RNF214: variants seen among roughly 807,000 people sequenced by gnomAD.
RNF214 encodes ring finger protein 214.
A neutral mutation model predicts 75.9 loss-of-function variants in RNF214; 25 were observed. The ratio of observed to expected loss-of-function variants is 0.33; its 90% CI spans 0.24 to 0.46. The LOEUF (loss-of-function observed/expected upper bound fraction) is 0.46. Ranked by LOEUF, RNF214 falls within the 20% of genes least tolerant of loss-of-function variation. The pLI, the probability that RNF214 is intolerant of heterozygous loss-of-function variation, is 1.00. For synonymous variants in RNF214, 314 were observed against 308.8 expected (o/e 1.02, Z -0.18); for missense variants, 725 against 857.5 (o/e 0.85, Z 1.93).
At chr11:117,263,149 A>G (rs920216521) in intron 6 of RNF214, among the ~76,000 whole-genome samples, 1 of 149,204 alleles carries the variant, frequency 6.7e-6, no homozygotes, top group Non-Finnish European at 1.5e-5. Flanking sequence ...TTTGTTTCTT[A>G]TATTTTGAAA....
intron 6 of RNF214, among the ~76,000 whole-genome samples, chr11:117,266,358 C>G (rs2033796627): frequency 6.6e-6 from 1 of 151,946 alleles, no homozygotes; most frequent in Non-Finnish European, 1.5e-5. Flanking sequence ...AATTTTCTTT[C>G]TTTCTTTTTT....
chr11:117,237,858 C>T (rs535815093), intron 2 of RNF214, among the ~76,000 whole-genome samples: 1 of 151,842 alleles, frequency 6.6e-6, no homozygotes, highest in Non-Finnish European at 1.5e-5. Context: ...GTTGAAGAAC[C>T]TAAAAAGTGG....
At chr11:117,233,436 G>T (rs921859313) in intron 1 of RNF214, among the ~76,000 whole-genome samples, 3 of 152,172 alleles carry the variant, frequency 2.0e-5, no homozygotes, top group African/African-American at 7.2e-5. Context: ...GGGGGAATAC[G>T]TGTGATGCTG....
At chr11:117,252,115 C>T (rs58111676) in intron 6 of RNF214, among the ~76,000 whole-genome samples, 8 of 152,154 alleles carry the variant, frequency 5.3e-5, no homozygotes, top group Non-Finnish European at 5.9e-5. Context: ...GTGATGTGCC[C>T]GCCTTGGCCT....
At chr11:117,253,774 A>T (rs1232993459) in intron 6 of RNF214, among the ~76,000 whole-genome samples, 1 of 152,246 alleles carries the variant, frequency 6.6e-6, no homozygotes, top group East Asian at 1.9e-4. Context: ...CCTGTGTTTT[A>T]AAAGACATAA....
chr11:117,252,673 A>T (rs2033427654), intron 6 of RNF214, among the ~76,000 whole-genome samples: 1 of 152,006 alleles, frequency 6.6e-6, no homozygotes, highest in Non-Finnish European at 1.5e-5. Flanking sequence ...TGTGCCTGCC[A>T]CCACGCCCAG....
intron 6 of RNF214, among the ~76,000 whole-genome samples, chr11:117,262,460 G>A (rs555982547): frequency 6.5e-4 from 99 of 152,122 alleles, no homozygotes; most frequent in African/African-American, 2.3e-3. Flanking sequence ...GCTCACTGGA[G>A]CCTCAAACTC....
At chr11:117,247,671 T>G (rs1258158538) in intron 6 of RNF214, among the ~76,000 whole-genome samples, 1 of 151,734 alleles carries the variant, frequency 6.6e-6, no homozygotes, top group Non-Finnish European at 1.5e-5. Flanking sequence ...GCCAATATGG[T>G]GAAACCCCAT....
chr11:117,234,304 C>A lies in RNF214; in HGVS notation c.32C>A (p.Ala11Asp). Residue 11 changes from alanine to aspartate, a missense_variant, in exon 2 of 15, where the codon GCC (alanine) becomes GAC (aspartate). This residue lies in a region of RNF214 where 362 missense variants were observed against 344.5 expected (regional missense o/e 1.05). Transcript: ENST00000300650. Reference sequence around the variant, plus strand: ...GCGTCTGAGGTTGCTGGTGTTGTGGCCAATGCCCCCAGTCCTCCGGAATCT... The same window carrying A: ...GCGTCTGAGGTTGCTGGTGTTGTGGACAATGCCCCCAGTCCTCCGGAATCT... MAASEVAGVVANAPSPPESSS... is the reference protein window; with the variant it reads MAASEVAGVVDNAPSPPESSS... 6.2e-7 allele frequency: 1 copy of A among 1,614,124 alleles called. No homozygotes were observed. The highest frequency in any genetic ancestry group is 8.5e-7 in the Non-Finnish European group (1 of 1,179,976).
chr11:117,266,747 G>A (rs1006849440), intron 6 of RNF214, among the ~76,000 whole-genome samples: 3 of 151,890 alleles, frequency 2.0e-5, no homozygotes, highest in Non-Finnish European at 4.4e-5. Flanking sequence ...TGTCAGGTGA[G>A]TTAGACCTTT....
intron 2 of RNF214, among the ~76,000 whole-genome samples, chr11:117,235,847 A>C (rs1344812164): frequency 6.6e-6 from 1 of 152,206 alleles, no homozygotes; most frequent in Non-Finnish European, 1.5e-5. Flanking sequence ...CAGGGTAATT[A>C]GCATGTCCAT....
chr11:117,233,541 C>G (rs2032800021), intron 1 of RNF214, among the ~76,000 whole-genome samples: 1 of 152,232 alleles, frequency 6.6e-6, no homozygotes, highest in Non-Finnish European at 1.5e-5. Flanking sequence ...CATAAGTTTG[C>G]TCTGCGGCAT....
intron 6 of RNF214, among the ~76,000 whole-genome samples, chr11:117,257,989 AC>A (rs1199340536): frequency 6.6e-6 from 1 of 152,196 alleles, no homozygotes; most frequent in Non-Finnish European, 1.5e-5. Context: ...AACACTGACC[AC>A]CTGGATTCAA....
At chr11:117,261,979 C>T (rs573609069) in intron 6 of RNF214, among the ~76,000 whole-genome samples, 176 of 151,554 alleles carry the variant, frequency 1.2e-3, no homozygotes, top group African/African-American at 4.1e-3. Flanking sequence ...TTAAACCAAC[C>T]TTCCATTTGT....
At chr11:117,236,882 C>G (rs186994421) in intron 2 of RNF214, among the ~76,000 whole-genome samples, 2 of 152,276 alleles carry the variant, frequency 1.3e-5, no homozygotes, top group East Asian at 1.9e-4. Flanking sequence ...TGTGCATTAT[C>G]TCATGTAATC....
chr11:117,264,749 G>T (rs899998625), intron 6 of RNF214, among the ~76,000 whole-genome samples: 3 of 151,966 alleles, frequency 2.0e-5, no homozygotes, highest in African/African-American at 7.3e-5. Context: ...GCCTTTCTAT[G>T]TTTCTGTATG....
At chr11:117,281,507 A>C (rs997178769) in intron 9 of RNF214, 93 bp from the exon 10 acceptor site, 9 of 1,381,634 alleles carry the variant, frequency 6.5e-6, no homozygotes, top group Non-Finnish European at 9.3e-6. Context: ...GGCCTATCCT[A>C]CTATTCCTTT....
At chr11:117,248,660 T>C (rs1206134198) in intron 6 of RNF214, among the ~76,000 whole-genome samples, 1 of 152,088 alleles carries the variant, frequency 6.6e-6, no homozygotes, top group Non-Finnish European at 1.5e-5. Flanking sequence ...GATTAGAAGG[T>C]GGGTCAGTTG....
chr11:117,234,886 C>G (rs1407913389), intron 2 of RNF214, among the ~76,000 whole-genome samples: 1 of 152,174 alleles, frequency 6.6e-6, no homozygotes, highest in Admixed American at 6.5e-5. Flanking sequence ...ATACCAAAAT[C>G]TATAAATGCT....
Sources: allele counts gnomAD v4.1 joint callset (sites outside exome capture counted in the v4.1 genomes callset), GRCh38; gene constraint gnomAD v4.1.1; regional missense constraint gnomAD v4.1.1; transcripts MANE v1.5; gene names NCBI Gene and HGNC (gene_info 2026-07-23, HGNC 2026-07-21).